DPP6: variants seen among roughly 807,000 people sequenced by gnomAD.
DPP6 encodes the protein dipeptidyl peptidase like 6, also known as A-type potassium channel modulatory protein DPP6.
Under a neutral mutation model 122.6 loss-of-function variants are expected in DPP6, and 69 were observed. That is an observed-to-expected ratio of 0.56 (90% CI 0.46 to 0.69). The LOEUF is 0.69. DPP6 is among the 30% of genes least tolerant of loss of function. DPP6 has a pLI of 0.00. For missense variants in DPP6, 928 were observed against 1,116.9 expected (o/e 0.83, Z 2.41); for synonymous variants, 418 against 433.1 (o/e 0.97, Z 0.43).
At chr7:154,610,582 C>T (rs527266199) in intron 5 of DPP6, among the ~76,000 whole-genome samples, 19 of 152,248 alleles carry the variant, frequency 1.2e-4, no homozygotes, top group Admixed American at 4.6e-4. Context: ...ATTGCTTCTA[C>T]GGCCAACATT....
chr7:153,964,852 TTTTCCC>T (rs1180994697), intron 1 of DPP6, among the ~76,000 whole-genome samples: 7 of 130,870 alleles, frequency 5.3e-5, no homozygotes, highest in African/African-American at 7.6e-5. Context: ...TTCCTTTTCC[TTTTCCC>T]TTTCCTTTCC....
rs185674545 is a variant in DPP6, at chr7:154,665,213, G to T, written c.681-4147G>T. ...TTTGGGTAAAAAATATCACATAAAT[G>T]ATTATTTGTCCTTCCCATTGCATTA... On this transcript the variant is annotated intron_variant, in intron 6 of 25. Transcript: ENST00000377770. 7.2e-5 allele frequency among the ~76,000 whole-genome samples: 11 copies of T among 152,256 alleles called. No homozygotes were observed. The East Asian group carries it at 2.1e-3, about 29-fold the overall frequency.
chr7:153,754,560 TCA>T, the DPP6 span, among the ~76,000 whole-genome samples: 2 of 152,240 alleles, frequency 1.3e-5, no homozygotes, highest in African/African-American at 4.8e-5. Context: ...GGTGCAAAGA[TCA>T]CCTTGAATCT....
intron 5 of DPP6, among the ~76,000 whole-genome samples, chr7:154,620,591 T>A (rs1834578715): frequency 6.6e-6 from 1 of 152,234 alleles, no homozygotes. Flanking sequence ...CCTTCTGCAT[T>A]ACATGAATAA....
intron 3 of DPP6, among the ~76,000 whole-genome samples, chr7:154,509,248 T>C (rs914399307): frequency 6.6e-6 from 1 of 152,228 alleles, no homozygotes; most frequent in African/African-American, 2.4e-5. Flanking sequence ...GAGGAACTTA[T>C]ATCCAGACTA....
At chr7:154,780,827 G>T (rs1796974558) in intron 10 of DPP6, among the ~76,000 whole-genome samples, 1 of 152,238 alleles carries the variant, frequency 6.6e-6, no homozygotes, top group Non-Finnish European at 1.5e-5. Context: ...GTCCATGGGT[G>T]GGTAGGTGGG....
intron 1 of DPP6, among the ~76,000 whole-genome samples, chr7:154,077,676 ATT>A (rs531140291): frequency 9.0e-5 from 13 of 144,146 alleles, no homozygotes; most frequent in African/African-American, 2.8e-4. Flanking sequence ...TATTATTATT[ATT>A]TTTTTTTTTT....
Position 154,892,575 on chromosome 7 carries a change from C to CG in DPP6, c.*99dup. The CG allele has an allele frequency of 3.8e-6, 2 of 522,968 alleles. No homozygotes were observed. Among genetic ancestry groups the CG allele is most frequent in the African/African-American group, 3.9e-5 (2 of 50,696 alleles). The allele number at this position is 522,968 out of a possible 1,614,324, so 32.4% of individuals were successfully genotyped here. Reference sequence around the variant, plus strand: ...TCCCTCTTCCCTCGGAGGGGCGGGGCGGGGCGGGGCCGGGTGTTCCATAGC... The same window carrying CG: ...TCCCTCTTCCCTCGGAGGGGCGGGGCGGGGGCGGGGCCGGGTGTTCCATAGC... On this transcript the variant is annotated 3_prime_UTR_variant, in exon 26 of 26. Transcript: ENST00000377770.
In DPP6 at chr7:154,803,253, G is replaced by A. The variant is rs576590878; in HGVS notation, c.1408-611G>A. ...AAATCCCCACTGAAACATCGCTCCCGCCTAGATGGCCCTGTCTCTCTCTTC... is the reference window on the plus strand; with the variant it reads ...AAATCCCCACTGAAACATCGCTCCCACCTAGATGGCCCTGTCTCTCTCTTC... On this transcript the variant is annotated intron_variant, in intron 13 of 25. Coordinates refer to ENST00000377770, the MANE Select transcript of DPP6 (RefSeq NM_130797.4). Among the ~76,000 whole-genome samples the A allele has an allele frequency of 1.9e-4, 29 of 152,248 alleles. 1 individual carries two copies. The East Asian group carries it at 2.3e-3, about 12-fold the overall frequency.
intron 5 of DPP6, chr7:154,587,396 C>G: frequency 1.8e-6 from 1 of 563,904 alleles, no homozygotes; most frequent in Non-Finnish European, 3.2e-6. Context: ...TCTCCTCTTG[C>G]CAGGACCAAT....
chr7:154,634,288 T>C (rs905267746), intron 5 of DPP6, among the ~76,000 whole-genome samples: 1 of 151,790 alleles, frequency 6.6e-6, no homozygotes, highest in African/African-American at 2.4e-5. Context: ...TGCGCTAGTT[T>C]GCTGAGAATG....
At chr7:154,732,411 A>T (rs1016622869) in intron 8 of DPP6, among the ~76,000 whole-genome samples, 1 of 152,234 alleles carries the variant, frequency 6.6e-6, no homozygotes, top group African/African-American at 2.4e-5. Context: ...CAAAGCAGTC[A>T]CATGCATATG....
At chr7:153,899,138 T>C (rs1799532299) in intron 1 of DPP6, among the ~76,000 whole-genome samples, 1 of 151,914 alleles carries the variant, frequency 6.6e-6, no homozygotes, top group Admixed American at 6.6e-5. Context: ...CTCCTCCTTT[T>C]TCTCCTTCTC....
chr7:153,997,212 G>T (rs111239233), intron 1 of DPP6, among the ~76,000 whole-genome samples: 7 of 152,024 alleles, frequency 4.6e-5, no homozygotes, highest in Admixed American at 2.0e-4. Flanking sequence ...ACCATGAAAT[G>T]CAGTGGCTAG....
chr7:154,840,978 G>A (rs1801483402), intron 16 of DPP6, among the ~76,000 whole-genome samples: 2 of 152,300 alleles, frequency 1.3e-5, no homozygotes, highest in South Asian at 4.2e-4. Context: ...TAGGTGGGAT[G>A]CAAAGTTGTA....
chr7:153,980,697 T>C (rs1449819202), intron 1 of DPP6, among the ~76,000 whole-genome samples: 1 of 152,202 alleles, frequency 6.6e-6, no homozygotes, highest in Non-Finnish European at 1.5e-5. Flanking sequence ...GCCATAAATG[T>C]CCGTCTAAAT....
chr7:154,688,302 T>C (rs1009434572), intron 7 of DPP6, among the ~76,000 whole-genome samples: 8 of 152,212 alleles, frequency 5.3e-5, no homozygotes, highest in Non-Finnish European at 1.0e-4. Flanking sequence ...CTGTTGAAAC[T>C]TTCAATATGT....
chr7:153,876,808 C>G, the DPP6 span, among the ~76,000 whole-genome samples: 1 of 152,066 alleles, frequency 6.6e-6, no homozygotes, highest in Non-Finnish European at 1.5e-5. Context: ...TACTACAAAC[C>G]TGTACAGCAT....
At chr7:154,378,388 C>T (rs1813305042) in intron 1 of DPP6, among the ~76,000 whole-genome samples, 2 of 152,210 alleles carry the variant, frequency 1.3e-5, no homozygotes, top group Non-Finnish European at 2.9e-5. Flanking sequence ...CTCTTAAAAA[C>T]ACATTGTCTT....
Sources: allele counts gnomAD v4.1 joint callset (sites outside exome capture counted in the v4.1 genomes callset), GRCh38; gene constraint gnomAD v4.1.1; transcripts MANE v1.5; gene names NCBI Gene and HGNC (gene_info 2026-07-23, HGNC 2026-07-21).